NFIA: variants seen among roughly 807,000 people sequenced by gnomAD.
NFIA encodes the protein nuclear factor 1 A-type.
Under a neutral mutation model 62.8 loss-of-function variants are expected in NFIA, and 8 were observed. The ratio of observed to expected loss-of-function variants is 0.13; its 90% CI spans 0.07 to 0.23. The LOEUF (loss-of-function observed/expected upper bound fraction) is 0.23, where lower values mean the gene tolerates loss of function less well. Ranked by LOEUF, NFIA falls within the 10% of genes least tolerant of loss-of-function variation. NFIA has a pLI of 1.00. For synonymous variants in NFIA, 235 were observed against 238.1 expected (o/e 0.99, Z 0.12); for missense variants, 410 against 642.1 (o/e 0.64, Z 3.91).
intron 3 of NFIA, among the ~76,000 whole-genome samples, chr1:61,323,857 G>A (rs139313554): frequency 5.7e-4 from 87 of 152,260 alleles, no homozygotes; most frequent in African/African-American, 1.9e-3. Context: ...AAAGGCTTAT[G>A]CTGGGCCCTG....
At chr1:61,296,987 T>C (rs1659221205) in intron 3 of NFIA, among the ~76,000 whole-genome samples, 1 of 152,174 alleles carries the variant, frequency 6.6e-6, no homozygotes, top group South Asian at 2.1e-4. Context: ...TTCTTACTTA[T>C]AATGTGAAGT....
intron 2 of NFIA, among the ~76,000 whole-genome samples, chr1:61,152,883 A>G (rs1216683616): frequency 1.3e-5 from 2 of 152,104 alleles, no homozygotes; most frequent in African/African-American, 4.8e-5. Flanking sequence ...TACTCTGAGG[A>G]GAGAGAGGGC....
At chr1:61,148,957 C>T (rs570103040) in intron 2 of NFIA, among the ~76,000 whole-genome samples, 27 of 152,234 alleles carry the variant, frequency 1.8e-4, no homozygotes, top group African/African-American at 6.3e-4. Context: ...ACTACAGCCT[C>T]GAACTCCTGG....
At chr1:61,453,384 C>T (rs1319089115) in intron 10 of NFIA, among the ~76,000 whole-genome samples, 2 of 150,048 alleles carry the variant, frequency 1.3e-5, no homozygotes, top group Non-Finnish European at 3.0e-5. Context: ...GATTACAGAG[C>T]TGCTCTGGGG....
intron 9 of NFIA, among the ~76,000 whole-genome samples, chr1:61,420,608 G>A (rs919228450): frequency 5.3e-5 from 8 of 152,148 alleles, no homozygotes; most frequent in African/African-American, 1.9e-4. Context: ...CTAATAACTG[G>A]CAAATTTTGA....
intron 6 of NFIA, among the ~76,000 whole-genome samples, chr1:61,377,077 G>T (rs1664183949): frequency 6.6e-6 from 1 of 151,822 alleles, no homozygotes; most frequent in South Asian, 2.1e-4. Context: ...ACAAAAATTA[G>T]CCGGGTATGG....
chr1:61,180,129 G>C (rs1650659690), intron 2 of NFIA, among the ~76,000 whole-genome samples: 1 of 152,106 alleles, frequency 6.6e-6, no homozygotes, highest in Non-Finnish European at 1.5e-5. Context: ...GCCCCTGATT[G>C]TGTCCCCTCC....
At chr1:61,171,494 T>C (rs1649963040) in intron 2 of NFIA, among the ~76,000 whole-genome samples, 2 of 152,214 alleles carry the variant, frequency 1.3e-5, no homozygotes, top group Admixed American at 6.5e-5. Context: ...CAGATAACTG[T>C]TATCTATAAT....
At position 61,106,253 on chromosome 1, in the gene NFIA, C is replaced by T. The variant is rs1007767876; in HGVS notation, c.559+17573C>T. Among the ~76,000 whole-genome samples, 3 of 151,710 alleles carry T rather than the reference C, an allele frequency of 2.0e-5. No homozygotes were observed. In the East Asian group the frequency reaches 5.8e-4, roughly 29 times the overall value. On this transcript the variant is annotated intron_variant, in intron 2 of 10. Transcript: ENST00000403491. ...AGCAACCTGGATCATTCATTCTTAG[C>T]CCCTTCTCAAGAATGGAAGTTTATT...
At chr1:61,144,919 C>T (rs1259221571) in intron 2 of NFIA, among the ~76,000 whole-genome samples, 1 of 21,088 alleles carries the variant, frequency 4.7e-5, no homozygotes, top group Non-Finnish European at 1.7e-4. Context: ...CATCAAGGCG[C>T]ACCTGACACA....
chr1:61,417,335 G>C (rs1215042064), intron 9 of NFIA, among the ~76,000 whole-genome samples: 1 of 144,250 alleles, frequency 6.9e-6, no homozygotes, highest in African/African-American at 2.6e-5. Flanking sequence ...ATAATATCTA[G>C]TATGCCATTA....
At chr1:61,384,874 G>C (rs193077233) in intron 7 of NFIA, among the ~76,000 whole-genome samples, 120 of 152,252 alleles carry the variant, frequency 7.9e-4, no homozygotes, top group African/African-American at 2.7e-3. Flanking sequence ...TGGGACCAGT[G>C]GTTCCTGTCC....
intron 2 of NFIA, among the ~76,000 whole-genome samples, chr1:61,100,953 AC>A (rs560095179): frequency 0.012 from 1,748 of 147,736 alleles, 20 homozygotes; most frequent in Middle Eastern, 0.066. Flanking sequence ...TTTTTTTTTT[AC>A]CATAAAATTG....
intron 2 of NFIA, among the ~76,000 whole-genome samples, chr1:61,123,856 A>C (rs1646927632): frequency 1.3e-5 from 2 of 152,214 alleles, no homozygotes; most frequent in Non-Finnish European, 2.9e-5. Context: ...GTCCATCTGG[A>C]GAGCAGGAAT....
chr1:61,234,908 C>CA (rs1654899117), intron 2 of NFIA, among the ~76,000 whole-genome samples: 1 of 152,176 alleles, frequency 6.6e-6, no homozygotes. Context: ...CCTAAAAACA[C>CA]AATAGCTGCG....
At chr1:61,077,534 A>C, upstream of NFIA, 2 of 1,105,178 alleles carry the variant, frequency 1.8e-6, no homozygotes, top group Non-Finnish European at 2.4e-6. Flanking sequence ...AAGTTTATTT[A>C]GATATTTTTT....
chr1:61,113,373 G>T (rs143996561), intron 2 of NFIA, among the ~76,000 whole-genome samples: 1 of 151,988 alleles, frequency 6.6e-6, no homozygotes, highest in African/African-American at 2.4e-5. Flanking sequence ...CAGGTGGATT[G>T]CCTGAGGTCA....
chr1:61,201,949 A>G (rs569022145), intron 2 of NFIA, among the ~76,000 whole-genome samples: 1,828 of 145,968 alleles, frequency 0.013, 18 homozygotes, highest in Middle Eastern at 0.059. Context: ...AGAAAATCTT[A>G]AAAAAAAAAC....
At chr1:61,213,494 G>A (rs1419494836) in intron 2 of NFIA, among the ~76,000 whole-genome samples, 1 of 152,174 alleles carries the variant, frequency 6.6e-6, no homozygotes, top group African/African-American at 2.4e-5. Context: ...CTCTCTGGCA[G>A]ATGATAGATC....
Sources: allele counts gnomAD v4.1 joint callset (sites outside exome capture counted in the v4.1 genomes callset), GRCh38; gene constraint gnomAD v4.1.1; transcripts MANE v1.5; gene names NCBI Gene and HGNC (gene_info 2026-07-23, HGNC 2026-07-21).